Variants in ENAH observed in about 807,000 individuals in gnomAD.
The protein encoded by ENAH is ENAH actin regulator.
In ENAH, 23 loss-of-function variants were observed where a neutral mutation model predicts 78.7. The ratio of observed to expected loss-of-function variants is 0.29; its 90% CI spans 0.21 to 0.41. The LOEUF is 0.41. Ranked by LOEUF, ENAH falls within the 10% of genes least tolerant of loss-of-function variation. The pLI is 1.00. For synonymous variants in ENAH, 226 were observed against 241.0 expected (o/e 0.94, Z 0.58); for missense variants, 544 against 691.0 (o/e 0.79, Z 2.39).
Position 225,507,984 on chromosome 1 carries a change from G to A in ENAH, c.1505C>T (p.Thr502Ile). ...AACAGGTGACTTGCTGCCATTCATT[G>A]TATTTGTTCTTTCCCAAGGTTTTCT... The part of the protein sequence containing the change: ...PTRKPWERTN[T>I]MNGSKSPVIS... The change falls in exon 11 of 14, where the codon ACA (threonine) becomes ATA (isoleucine). Residue 502 changes from threonine (T) to isoleucine (I), a missense_variant. By Grantham distance (89) the Thr-to-Ile change is moderately conservative. This residue lies in a region of ENAH where 97 missense variants were observed against 124.4 expected (regional missense o/e 0.78). Transcript: ENST00000366843. 1 of 1,564,264 alleles carries A rather than the reference G, an allele frequency of 6.4e-7. No homozygotes were observed. The highest frequency in any genetic ancestry group is 8.6e-7 in the Non-Finnish European group (1 of 1,163,970).
chr1:225,487,302 G>A lies in ENAH; in HGVS notation c.*10473C>T, dbSNP rs534304614. 8 of 152,308 alleles carry A rather than the reference G, an allele frequency of 5.3e-5. No homozygotes were observed. The East Asian group carries it at 1.5e-3, about 29-fold the overall frequency. 9.4% of individuals were successfully genotyped at this position (152,308 alleles called of 1,614,324 possible). On this transcript the variant is annotated 3_prime_UTR_variant, in exon 14 of 14. Transcript: ENST00000366843. ...AACTTTGGTCCAAAAATCAGGTGCA[G>A]TCTGATCCTACCCTCCCAGCTGTTT...
At chr1:225,596,784 A>G (rs1383241968) in intron 1 of ENAH, among the ~76,000 whole-genome samples, 4 of 152,240 alleles carry the variant, frequency 2.6e-5, no homozygotes, top group Admixed American at 2.6e-4. Flanking sequence ...CAGGCAACAC[A>G]GGTACAACTT....
intron 2 of ENAH, among the ~76,000 whole-genome samples, chr1:225,555,563 T>C (rs945343817): frequency 2.7e-5 from 4 of 149,176 alleles, no homozygotes; most frequent in Non-Finnish European, 4.4e-5. Flanking sequence ...GCCTGGGCGA[T>C]AGAGCGAGAC....
intron 1 of ENAH, among the ~76,000 whole-genome samples, chr1:225,625,296 T>A (rs1048674232): frequency 6.6e-6 from 1 of 152,224 alleles, no homozygotes; most frequent in African/African-American, 2.4e-5. Flanking sequence ...TTGGCACACC[T>A]AAAGCAATAT....
intron 2 of ENAH, among the ~76,000 whole-genome samples, chr1:225,557,466 A>G (rs1199376619): frequency 3.3e-5 from 5 of 152,196 alleles, no homozygotes; most frequent in Non-Finnish European, 5.9e-5. Context: ...AAAAGTGTTC[A>G]TAACAAGTAT....
At chr1:225,505,507 G>T (rs1332081573) in intron 11 of ENAH, among the ~76,000 whole-genome samples, 1 of 152,080 alleles carries the variant, frequency 6.6e-6, no homozygotes, top group African/African-American at 2.4e-5. Context: ...AACAAATACA[G>T]CAATATGCAA....
chr1:225,526,628 C>T (rs907060721), intron 4 of ENAH, among the ~76,000 whole-genome samples: 31 of 151,728 alleles, frequency 2.0e-4, no homozygotes, highest in Admixed American at 1.3e-3. Context: ...CCACAGCACA[C>T]GCCCTTCTAT....
Position 225,501,059 on chromosome 1 carries a change from G to A in ENAH, c.1550C>T (p.Thr517Ile), listed in dbSNP as rs1054860924. 6.2e-7 allele frequency: 1 copy of A among 1,614,020 alleles called. No individual in the cohort carries two copies. Among genetic ancestry groups the A allele is most frequent in the Non-Finnish European group, 8.5e-7 (1 of 1,179,940 alleles). Reference protein sequence around the residue: ...KSPVISRPKSTPLSQPSANGV... With the variant: ...KSPVISRPKSIPLSQPSANGV... ...ATTGGCACTGGGCTGTGATAAGGGT[G>A]TGGATTTTGGTCTGTATAAATGAGA... Residue 517 changes from threonine (T) to isoleucine (I), a missense_variant, in exon 12 of 14, where the codon ACA becomes ATA. By Grantham distance (89) the Thr-to-Ile change is moderately conservative (BLOSUM62 -1). Around this residue, in one of 4 missense-constraint regions of ENAH, gnomAD observed 97 missense variants for 124.4 expected, o/e 0.78. Transcript: ENST00000366843.
At chr1:225,603,102 A>G (rs915165066) in intron 1 of ENAH, among the ~76,000 whole-genome samples, 4 of 152,146 alleles carry the variant, frequency 2.6e-5, no homozygotes, top group African/African-American at 9.6e-5. Flanking sequence ...CTGGGACACA[A>G]AGAACTAAAT....
Position 225,519,521 on chromosome 1 carries a change from CTTTCCCGCTCCAGCT to C in ENAH, c.464_478del (p.Glu155_Arg160delinsGly). On this transcript the variant is annotated inframe_deletion, in exon 5 of 14. Coordinates refer to ENST00000366843, the MANE Select transcript of ENAH (RefSeq NM_018212.6). Reference sequence around the variant, plus strand: ...TCTTTCCATTCTTTCTCGCTCCAGCCTTTCCCGCTCCAGCTCCTTTTGCCGTTGCTGTTCTTGTAG... The same window carrying C: ...TCTTTCCATTCTTTCTCGCTCCAGCCCCTTTTGCCGTTGCTGTTCTTGTAG... 6.2e-7 allele frequency: 1 copy of C among 1,612,310 alleles called. No individual in the cohort carries two copies. Among genetic ancestry groups the C allele is most frequent in the African/African-American group, 1.3e-5 (1 of 74,922 alleles).
At chr1:225,540,688 C>A (rs186016336) in intron 3 of ENAH, among the ~76,000 whole-genome samples, 3 of 146,650 alleles carry the variant, frequency 2.0e-5, no homozygotes, top group East Asian at 3.9e-4. Context: ...AGTTTTAAAA[C>A]GTTTATTTAA....
intron 5 of ENAH, chr1:225,518,014 A>C: frequency 2.0e-6 from 3 of 1,520,812 alleles, no homozygotes; most frequent in Non-Finnish European, 2.6e-6. Flanking sequence ...GGAAAGCAGC[A>C]GCAAAAGACA....
chr1:225,566,733 AGC>A (rs2096736752), intron 2 of ENAH, among the ~76,000 whole-genome samples: 1 of 152,240 alleles, frequency 6.6e-6, no homozygotes, highest in Non-Finnish European at 1.5e-5. Flanking sequence ...AGAAATCCAG[AGC>A]GAGGAATTAG....
intron 4 of ENAH, among the ~76,000 whole-genome samples, chr1:225,520,940 G>T (rs1288128696): frequency 4.4e-5 from 2 of 45,270 alleles, no homozygotes; most frequent in African/African-American, 9.9e-5. Flanking sequence ...GAGGGAGGGA[G>T]GGAGGGAGGG....
chr1:225,500,024 A>C (rs2096273124), intron 12 of ENAH, among the ~76,000 whole-genome samples: 1 of 152,186 alleles, frequency 6.6e-6, no homozygotes. Context: ...GTTATCCTCC[A>C]ATTCTTCATA....
At chr1:225,615,619 C>T (rs1017921149) in intron 1 of ENAH, among the ~76,000 whole-genome samples, 10 of 150,228 alleles carry the variant, frequency 6.7e-5, no homozygotes, top group Admixed American at 2.0e-4. Context: ...CCCGGCCGCC[C>T]GGCGTCTGAG....
At chr1:225,617,062 G>A (rs1208344101) in intron 1 of ENAH, among the ~76,000 whole-genome samples, 1 of 151,392 alleles carries the variant, frequency 6.6e-6, no homozygotes, top group African/African-American at 2.4e-5. Flanking sequence ...TCATGCCACT[G>A]CACTCCAGCC....
At chr1:225,511,898 TCCC>T (rs2096379736) in intron 9 of ENAH, 39 bp from the exon 10 acceptor site, 1 of 1,372,802 alleles carries the variant, frequency 7.3e-7, no homozygotes, top group Non-Finnish European at 1.0e-6. Context: ...CATCTACCAG[TCCC>T]CTGTTGCTAT....
At chr1:225,630,470 T>C (rs1236025736) in intron 1 of ENAH, among the ~76,000 whole-genome samples, 1 of 152,174 alleles carries the variant, frequency 6.6e-6, no homozygotes, top group African/African-American at 2.4e-5. Context: ...AATTAAAGGA[T>C]TTAGAAGACA....
Sources: gnomAD v4.1 joint callset for allele counts (sites outside exome capture counted in the v4.1 genomes callset) on GRCh38, gnomAD v4.1.1 for gene constraint, gnomAD v4.1.1 regional missense constraint, MANE v1.5 for transcripts, NCBI Gene and HGNC (gene_info 2026-07-23, HGNC 2026-07-21) for gene names.